Variants in PDILT observed in about 807,000 individuals in gnomAD.
The protein encoded by PDILT is protein disulfide isomerase like, testis expressed.
In PDILT, 43 loss-of-function variants were observed where a neutral mutation model predicts 53.7. That is an observed-to-expected ratio of 0.80 (90% CI 0.63 to 1.03). The LOEUF (loss-of-function observed/expected upper bound fraction) is 1.03, where lower values mean the gene tolerates loss of function less well. Among genes scored for constraint, PDILT ranks in the 50% least tolerant of loss-of-function variants. The probability of loss-of-function intolerance (pLI) is 0.00; values close to 1 mark genes in which losing one functional copy is unlikely to be tolerated. For synonymous variants in PDILT, 282 were observed against 274.2 expected (o/e 1.03, Z -0.28); for missense variants, 727 against 712.3 (o/e 1.02, Z -0.24).
chr16:20,369,222 A>G (rs1294402126), intron 8 of PDILT, among the ~76,000 whole-genome samples: 2 of 152,222 alleles, frequency 1.3e-5, no homozygotes, highest in African/African-American at 2.4e-5. Flanking sequence ...AGTTAACACT[A>G]CTGAGTGCCT....
intron 1 of PDILT, among the ~76,000 whole-genome samples, chr16:20,401,076 G>A (rs182137676): frequency 5.9e-5 from 9 of 152,254 alleles, no homozygotes; most frequent in African/African-American, 2.2e-4. Context: ...AACCAACAAA[G>A]GGCAAGTGGA....
chr16:20,401,951 C>T lies in PDILT; in HGVS notation c.-8+2545G>A, dbSNP rs974528405. Among the ~76,000 whole-genome samples the T allele has an allele frequency of 7.5e-4, 114 of 152,180 alleles. 11 individuals are homozygous for T. On this transcript the variant is annotated intron_variant, in intron 1 of 11. Transcript: ENST00000302451. ...TCAAATGTTTCCAGTGATTCATGTC[C>T]AACAGGACGGAGATCAAGCCCCACT...
chr16:20,371,421 C>A (rs763102422), intron 7 of PDILT, among the ~76,000 whole-genome samples: 6 of 152,190 alleles, frequency 3.9e-5, no homozygotes, highest in Non-Finnish European at 5.9e-5. Flanking sequence ...AAAGGCCTCA[C>A]TGTGTGCTCC....
At chr16:20,387,220 A>G (rs1966551302) in intron 2 of PDILT, among the ~76,000 whole-genome samples, 1 of 152,222 alleles carries the variant, frequency 6.6e-6, no homozygotes, top group Non-Finnish European at 1.5e-5. Flanking sequence ...AAAGTAAAAT[A>G]TGTGCTGTGT....
At chr16:20,385,444 T>C (rs1966521364) in intron 2 of PDILT, among the ~76,000 whole-genome samples, 1 of 151,806 alleles carries the variant, frequency 6.6e-6, no homozygotes. Context: ...CTTGGTATAA[T>C]GCCTGGCACA....
intron 1 of PDILT, among the ~76,000 whole-genome samples, chr16:20,402,717 C>G (rs1418417536): frequency 6.6e-6 from 1 of 152,244 alleles, no homozygotes; most frequent in Admixed American, 6.5e-5. Flanking sequence ...GAAATAGTCT[C>G]TCTCTGCCCT....
chr16:20,395,367 G>A (rs1418117460), intron 2 of PDILT, among the ~76,000 whole-genome samples: 5 of 152,188 alleles, frequency 3.3e-5, no homozygotes, highest in East Asian at 3.8e-4. Context: ...GGTGGCTGAC[G>A]TATTTTATCC....
At chr16:20,379,197 C>T (rs1485718164) in intron 3 of PDILT, among the ~76,000 whole-genome samples, 1 of 151,736 alleles carries the variant, frequency 6.6e-6, no homozygotes, top group Non-Finnish European at 1.5e-5. Flanking sequence ...TTTTTTGAGA[C>T]AGAGTCTTGC....
intron 5 of PDILT, 31 bp downstream of exon 5, chr16:20,374,791 C>T (rs769313261): frequency 1.3e-6 from 2 of 1,594,054 alleles, no homozygotes; most frequent in South Asian, 1.1e-5. Context: ...GAACCAGAGA[C>T]CTCTCACTAG....
At chr16:20,375,556 A>G (rs1239494280) in intron 4 of PDILT, among the ~76,000 whole-genome samples, 4 of 152,248 alleles carry the variant, frequency 2.6e-5, no homozygotes, top group African/African-American at 9.6e-5. Context: ...ACATTAAAAA[A>G]TCTACATGAA....
chr16:20,362,903 C>G (rs1966127089), intron 9 of PDILT, among the ~76,000 whole-genome samples: 1 of 151,796 alleles, frequency 6.6e-6, no homozygotes, highest in Non-Finnish European at 1.5e-5. Context: ...GAAATCCCAT[C>G]TCTACTAAAA....
intron 1 of PDILT, among the ~76,000 whole-genome samples, chr16:20,401,237 T>C (rs7404938): frequency 1 from 151,620 of 152,350 alleles, 75,476 homozygotes; most frequent in Middle Eastern, 1. Flanking sequence ...CACCAGGTGT[T>C]ATGCCACTTA....
At chr16:20,378,204 T>C (rs537330483) in intron 3 of PDILT, among the ~76,000 whole-genome samples, 2 of 152,342 alleles carry the variant, frequency 1.3e-5, no homozygotes, top group Middle Eastern at 3.4e-3. Flanking sequence ...TATATTTACA[T>C]GCAGAAAGGT....
chr16:20,396,874 C>T (rs887467005), intron 2 of PDILT, among the ~76,000 whole-genome samples: 1 of 147,584 alleles, frequency 6.8e-6, no homozygotes, highest in African/African-American at 2.5e-5. Context: ...TGAATAAGAA[C>T]CCAATGGTGA....
At chr16:20,360,793 G>A (rs1966089263) in intron 10 of PDILT, 136 bp from the exon 11 acceptor site, 1 of 651,750 alleles carries the variant, frequency 1.5e-6, no homozygotes. Flanking sequence ...ACCTCTCTTA[G>A]CCTCCAGTGC....
intron 8 of PDILT, 63 bp from the exon 9 acceptor site, chr16:20,365,603 C>T: frequency 6.4e-7 from 1 of 1,570,374 alleles, no homozygotes; most frequent in Admixed American, 1.9e-5. Context: ...GTGGGGCTCC[C>T]CACCTTGATT....
intron 3 of PDILT, among the ~76,000 whole-genome samples, chr16:20,381,045 C>G (rs1201100898): frequency 1.3e-5 from 2 of 152,242 alleles, no homozygotes; most frequent in African/African-American, 4.8e-5. Flanking sequence ...AGGACCAGCA[C>G]TGGGCTGCAT....
At chr16:20,395,160 T>C (rs1240013373) in intron 2 of PDILT, among the ~76,000 whole-genome samples, 1 of 152,210 alleles carries the variant, frequency 6.6e-6, no homozygotes, top group Non-Finnish European at 1.5e-5. Flanking sequence ...TTGGATCTTA[T>C]GGCAAATACT....
intron 4 of PDILT, 42 bp downstream of exon 4, chr16:20,376,026 C>T (rs531082735): frequency 1.2e-6 from 2 of 1,611,222 alleles, no homozygotes; most frequent in African/African-American, 2.7e-5. Flanking sequence ...CACAGCACTT[C>T]TCATCAGTTG....
Sources: allele counts gnomAD v4.1 joint callset (sites outside exome capture counted in the v4.1 genomes callset), GRCh38; gene constraint gnomAD v4.1.1; transcripts MANE v1.5; gene names NCBI Gene and HGNC (gene_info 2026-07-23, HGNC 2026-07-21).